LRRC49: variants seen among roughly 807,000 people sequenced by gnomAD.
LRRC49 encodes the protein leucine-rich repeat-containing protein 49.
A neutral mutation model predicts 83.3 loss-of-function variants in LRRC49; 50 were observed. The ratio of observed to expected loss-of-function variants is 0.60; its 90% confidence interval spans 0.48 to 0.76. LRRC49 has a LOEUF of 0.76. Ranked by LOEUF, LRRC49 falls within the 30% of genes least tolerant of loss-of-function variation. The probability of loss-of-function intolerance (pLI) is 0.00; values close to 1 mark genes in which losing one functional copy is unlikely to be tolerated. For synonymous variants in LRRC49, 286 were observed against 283.3 expected (o/e 1.01, Z -0.10); for missense variants, 704 against 809.1 (o/e 0.87, Z 1.58).
intron 5 of LRRC49, among the ~76,000 whole-genome samples, chr15:70,909,352 A>T (rs1297146822): frequency 1.3e-5 from 2 of 152,202 alleles, no homozygotes; most frequent in African/African-American, 4.8e-5. Context: ...GGTGATTCTG[A>T]TAAATCCAGA....
At chr15:70,948,588 TC>T (rs2036097870) in intron 8 of LRRC49, among the ~76,000 whole-genome samples, 1 of 152,002 alleles carries the variant, frequency 6.6e-6, no homozygotes, top group Non-Finnish European at 1.5e-5. Context: ...CTCTGATTTC[TC>T]AAGAAGGGTC....
At chr15:70,950,029 G>A (rs975134527) in intron 8 of LRRC49, among the ~76,000 whole-genome samples, 9 of 152,012 alleles carry the variant, frequency 5.9e-5, no homozygotes, top group East Asian at 1.9e-4. Context: ...TGTATTCATC[G>A]TCTGGCTCCC....
intron 9 of LRRC49, among the ~76,000 whole-genome samples, chr15:70,969,365 T>A (rs561481176): frequency 7.8e-4 from 119 of 152,116 alleles, no homozygotes; most frequent in African/African-American, 2.7e-3. Context: ...TACCAGTACC[T>A]TGTTGTTTTG....
In LRRC49 at chr15:70,904,652, C is replaced by G; in HGVS notation, c.397C>G (p.Leu133Val). 6.2e-7 allele frequency: 1 copy of G among 1,612,618 alleles called. No individual in the cohort carries two copies. Among genetic ancestry groups the G allele is most frequent in the Non-Finnish European group, 8.5e-7 (1 of 1,178,710 alleles). Residue 133 changes from leucine (L) to valine (V), a missense_variant, in exon 5 of 16, where the codon CTA becomes GTA. Leu to Val is a conservative substitution (Grantham distance 32). This residue lies in a region of LRRC49 where 261 missense variants were observed against 330.5 expected (regional missense o/e 0.79). Coordinates refer to ENST00000260382, the MANE Select transcript of LRRC49 (RefSeq NM_017691.5). The part of the protein sequence containing the change: ...FITRIQNISN[L>V]QKLISLDLYD... Reference sequence around the variant, plus strand: ...AACTCGGATACAAAATATTTCTAATCTACAGAAGTTAATATCGTTGGATTT... The same window carrying G: ...AACTCGGATACAAAATATTTCTAATGTACAGAAGTTAATATCGTTGGATTT...
chr15:70,921,661 G>A (rs2035010716), intron 7 of LRRC49, among the ~76,000 whole-genome samples: 1 of 152,196 alleles, frequency 6.6e-6, no homozygotes, highest in Admixed American at 6.5e-5. Flanking sequence ...CTGAGCTGCA[G>A]TTCTCTCTGC....
intron 15 of LRRC49, among the ~76,000 whole-genome samples, chr15:71,041,908 G>A (rs1163703962): frequency 6.6e-6 from 1 of 152,108 alleles, no homozygotes; most frequent in African/African-American, 2.4e-5. Flanking sequence ...AGTCTAATGG[G>A]ATAAATGATA....
intron 9 of LRRC49, among the ~76,000 whole-genome samples, chr15:70,976,054 A>G (rs2037195062): frequency 6.6e-6 from 1 of 152,220 alleles, no homozygotes; most frequent in Non-Finnish European, 1.5e-5. Context: ...GCACTCAGGA[A>G]TACTTAGCCA....
At position 70,909,877 on chromosome 15, in the gene LRRC49, C is replaced by CACACACA. The variant is rs757931756; in HGVS notation, c.501-1654_501-1653insCACACAA. ...ACACACACACACACACACACACACACAAAACAAACAAAAAAAGAAAGTTGT... is the reference window on the plus strand; with the variant it reads ...ACACACACACACACACACACACACACACACACAAAAACAAACAAAAAAAGAAAGTTGT... On this transcript the variant is annotated intron_variant, in intron 5 of 15. Coordinates refer to ENST00000260382, the MANE Select transcript of LRRC49 (RefSeq NM_017691.5). 3.3e-5 allele frequency among the ~76,000 whole-genome samples: 5 copies of CACACACA among 150,426 alleles called. No individual in the cohort carries two copies. In the South Asian group the frequency reaches 1.0e-3, roughly 32 times the overall value.
intron 2 of LRRC49, chr15:70,882,691 G>T: frequency 6.2e-7 from 1 of 1,610,708 alleles, no homozygotes. Flanking sequence ...GTTAGACTTT[G>T]CTTTTCATAT....
intron 2 of LRRC49, among the ~76,000 whole-genome samples, chr15:70,874,500 A>G (rs530081189): frequency 4.2e-4 from 64 of 152,330 alleles, no homozygotes; most frequent in African/African-American, 1.4e-3. Flanking sequence ...ACATTTAAAG[A>G]GCAGGTGGAA....
At chr15:71,036,170 C>T (rs1276853491) in intron 14 of LRRC49, among the ~76,000 whole-genome samples, 1 of 152,084 alleles carries the variant, frequency 6.6e-6, no homozygotes, top group Non-Finnish European at 1.5e-5. Flanking sequence ...ATATCCTTTG[C>T]CCACTTTTTG....
At chr15:71,049,384 C>A (rs772157604) in intron 15 of LRRC49, 25 bp from the exon 16 acceptor site, 2 of 1,468,450 alleles carry the variant, frequency 1.4e-6, no homozygotes, top group East Asian at 2.3e-5. Context: ...TGATTTAATA[C>A]AAAACTTTCT....
chr15:70,912,265 T>G (rs1193889662), intron 6 of LRRC49, among the ~76,000 whole-genome samples: 1 of 152,170 alleles, frequency 6.6e-6, no homozygotes, highest in Non-Finnish European at 1.5e-5. Context: ...TGTTGTTGTC[T>G]GTTTGTTTTA....
chr15:70,996,524 T>C (rs983630653), intron 11 of LRRC49, among the ~76,000 whole-genome samples: 2 of 152,182 alleles, frequency 1.3e-5, no homozygotes, highest in African/African-American at 2.4e-5. Context: ...GGTATCTTAC[T>C]GGCTCCTTCT....
chr15:71,021,392 G>A (rs775864586), intron 14 of LRRC49, among the ~76,000 whole-genome samples: 2 of 152,088 alleles, frequency 1.3e-5, no homozygotes, highest in Non-Finnish European at 2.9e-5. Flanking sequence ...CAAATATATA[G>A]CTTCCAAATT....
chr15:70,994,894 T>C (rs551115722), intron 11 of LRRC49, among the ~76,000 whole-genome samples: 243 of 152,344 alleles, frequency 1.6e-3, no homozygotes, highest in Non-Finnish European at 2.6e-3. Context: ...GACAGTAACG[T>C]CACTTTAAGA....
intron 7 of LRRC49, among the ~76,000 whole-genome samples, chr15:70,920,402 C>T (rs904586583): frequency 5.9e-5 from 9 of 152,124 alleles, no homozygotes; most frequent in Non-Finnish European, 1.3e-4. Flanking sequence ...TCTGTCAAGC[C>T]CTTCCCAGAT....
chr15:70,853,681 G>A (rs2032553787), intron 1 of LRRC49, among the ~76,000 whole-genome samples: 2 of 152,138 alleles, frequency 1.3e-5, no homozygotes, highest in Non-Finnish European at 2.9e-5. Flanking sequence ...GGGAGCCTCG[G>A]TTGGGCGACG....
At chr15:70,974,620 A>C (rs1312284468) in intron 9 of LRRC49, among the ~76,000 whole-genome samples, 2 of 152,196 alleles carry the variant, frequency 1.3e-5, no homozygotes, top group Admixed American at 6.5e-5. Flanking sequence ...AGTCTAGAAC[A>C]GGGTTTGGCA....
Sources: allele counts gnomAD v4.1 joint callset (sites outside exome capture counted in the v4.1 genomes callset), GRCh38; gene constraint gnomAD v4.1.1; regional missense constraint gnomAD v4.1.1; transcripts MANE v1.5; gene names NCBI Gene and HGNC (gene_info 2026-07-23, HGNC 2026-07-21).